The following DAB2IP variants were observed in gnomAD, a reference collection of about 807,000 sequenced individuals.
DAB2IP encodes disabled homolog 2-interacting protein.
DAB2IP carries 28 observed loss-of-function variants against 107.2 expected under a neutral mutation model. That is an observed-to-expected ratio of 0.26 (90% CI 0.19 to 0.36). The LOEUF (loss-of-function observed/expected upper bound fraction) is 0.36, where lower values mean the gene tolerates loss of function less well. Among genes scored for constraint, DAB2IP ranks in the 10% least tolerant of loss-of-function variants. DAB2IP has a pLI of 1.00. For synonymous variants in DAB2IP, 755 were observed against 706.4 expected (o/e 1.07, Z -1.09); for missense variants, 1,400 against 1,644.7 (o/e 0.85, Z 2.57).
chr9:121,697,532 C>T (rs1481624635), intron 2 of DAB2IP, among the ~76,000 whole-genome samples: 1 of 152,208 alleles, frequency 6.6e-6, no homozygotes. Context: ...CTAGTGCTCT[C>T]CTGACCTGCC....
rs139420347 is a variant in DAB2IP at position 121,766,677 on chromosome 9, C to T, written c.1644C>T (p.Ala548=). 310 of 1,614,022 alleles carry T rather than the reference C, an allele frequency of 1.9e-4. 1 individual carries two copies. The highest frequency in any genetic ancestry group is 2.5e-4 in the Non-Finnish European group (296 of 1,180,036). ...AGGAGTACCCTGATGACCGCACTGC[C>T]CGCACCCTCACCCTCATCGCCAAGG... The change falls in exon 9 of 16, where the codon GCC becomes GCT. Residue 548 remains alanine (A), a synonymous_variant. Transcript: ENST00000408936.
At chr9:121,638,978 G>A (rs1455422505) in intron 1 of DAB2IP, among the ~76,000 whole-genome samples, 1 of 152,118 alleles carries the variant, frequency 6.6e-6, no homozygotes, top group African/African-American at 2.4e-5. Context: ...CAGGGTGGTT[G>A]GGGAAGGGAT....
At chr9:121,724,520 G>A (rs538625774) in intron 3 of DAB2IP, among the ~76,000 whole-genome samples, 5 of 152,172 alleles carry the variant, frequency 3.3e-5, no homozygotes, top group Middle Eastern at 3.2e-3. Flanking sequence ...TACATACTTC[G>A]TGTACTTTTC....
At position 121,719,549 on chromosome 9, in the gene DAB2IP, T is replaced by C. The variant is rs567094414; in HGVS notation, c.362+20091T>C. 3.9e-5 allele frequency among the ~76,000 whole-genome samples: 6 copies of C among 151,976 alleles called. No homozygotes were observed. The South Asian group carries it at 6.2e-4, about 16-fold the overall frequency. On this transcript the variant is annotated intron_variant, in intron 3 of 15. Transcript: ENST00000408936. Reference sequence around the variant, plus strand: ...GGAGCATCGGGAGAGTGAGAAATCATTGGGAAGGGCAGGAGCCAGCATTAA... The same window carrying C: ...GGAGCATCGGGAGAGTGAGAAATCACTGGGAAGGGCAGGAGCCAGCATTAA...
At position 121,752,403 on chromosome 9, in the gene DAB2IP, C is replaced by T. The variant is rs572846871; in HGVS notation, c.363-4610C>T. Among the ~76,000 whole-genome samples the T allele has an allele frequency of 6.6e-5, 10 of 152,336 alleles. No individual in the cohort carries two copies. The South Asian group carries it at 8.3e-4, about 13-fold the overall frequency. On this transcript the variant is annotated intron_variant, in intron 3 of 15. Transcript: ENST00000408936. Reference sequence around the variant, plus strand: ...GTTTTGGTCCAGGAACTCTAAGGCTCTGGACCTTGGAGCCAGCCAGACCCA... The same window carrying T: ...GTTTTGGTCCAGGAACTCTAAGGCTTTGGACCTTGGAGCCAGCCAGACCCA...
intron 1 of DAB2IP, among the ~76,000 whole-genome samples, chr9:121,644,509 A>G (rs1832471113): frequency 1.3e-5 from 2 of 152,062 alleles, no homozygotes; most frequent in Admixed American, 6.5e-5. Flanking sequence ...AGGCAGGAGA[A>G]TTGTTTGAAC....
rs377751453 is a variant in DAB2IP at position 121,709,861 on chromosome 9, A to G, written c.362+10403A>G. ...ACATAGCCAGGATTAGCCTCAGGTT[A>G]CCTTTAGAATCTAGATCTCTTTGTA... On this transcript the variant is annotated intron_variant, in intron 3 of 15. Coordinates refer to ENST00000408936, the Ensembl canonical transcript of DAB2IP. 5.3e-5 allele frequency among the ~76,000 whole-genome samples: 8 copies of G among 152,232 alleles called. No homozygotes were observed. In the East Asian group the frequency reaches 9.7e-4, roughly 18 times the overall value.
At chr9:121,642,494 T>C (rs796728530) in intron 1 of DAB2IP, among the ~76,000 whole-genome samples, 31,135 of 145,160 alleles carry the variant, frequency 0.21, 3,948 homozygotes, top group South Asian at 0.39. Context: ...TTTTCTTTTT[T>C]TTTTTTTTTT....
chr9:121,657,223 T>C (rs1448562184), intron 1 of DAB2IP, among the ~76,000 whole-genome samples: 2 of 152,212 alleles, frequency 1.3e-5, no homozygotes, highest in Non-Finnish European at 2.9e-5. Flanking sequence ...CCCTTAGTGC[T>C]GAGGGTTCAG....
exon 1 of DAB2IP, chr9:121,567,094 CG>C: frequency 3.9e-6 from 6 of 1,540,208 alleles, no homozygotes; most frequent in Non-Finnish European, 5.3e-6. Context: ...TTGGAAAAGC[CG>C]CCAGATGGAA....
At chr9:121,627,141 TCACACACACACACACACACACA>T (rs374127830) in intron 1 of DAB2IP, among the ~76,000 whole-genome samples, 1 of 126,728 alleles carries the variant, frequency 7.9e-6, no homozygotes, top group African/African-American at 3.0e-5. Context: ...ACACACACAC[TCACACACACACACACACACACA>T]CACACAAGCA....
chr9:121,721,837 G>A (rs553887144), intron 3 of DAB2IP, among the ~76,000 whole-genome samples: 1 of 152,334 alleles, frequency 6.6e-6, no homozygotes, highest in South Asian at 2.1e-4. Context: ...GGGGGCACCT[G>A]GACAGAGGGG....
intron 14 of DAB2IP, among the ~76,000 whole-genome samples, chr9:121,778,267 C>T (rs1269843413): frequency 6.6e-6 from 1 of 152,136 alleles, no homozygotes; most frequent in Non-Finnish European, 1.5e-5. Context: ...ATGTAATCAC[C>T]TCTCAAAACC....
chr9:121,603,686 T>C (rs139053998), intron 1 of DAB2IP, among the ~76,000 whole-genome samples: 1 of 152,316 alleles, frequency 6.6e-6, no homozygotes, highest in East Asian at 1.9e-4. Flanking sequence ...GATCAGGCTG[T>C]GTGATCTTGG....
At chr9:121,719,556 G>A (rs1267796819) in intron 3 of DAB2IP, among the ~76,000 whole-genome samples, 1 of 152,188 alleles carries the variant, frequency 6.6e-6, no homozygotes, top group Non-Finnish European at 1.5e-5. Flanking sequence ...TCATTGGGAA[G>A]GGCAGGAGCC....
chr9:121,602,648 T>A (rs2118956351), intron 1 of DAB2IP, among the ~76,000 whole-genome samples: 1 of 152,300 alleles, frequency 6.6e-6, no homozygotes, highest in East Asian at 1.9e-4. Context: ...TGATCTCGGC[T>A]CACTGCAAGC....
At chr9:121,579,840 C>G (rs779248447) in intron 1 of DAB2IP, among the ~76,000 whole-genome samples, 1 of 152,216 alleles carries the variant, frequency 6.6e-6, no homozygotes, top group Non-Finnish European at 1.5e-5. Flanking sequence ...ATAAAGCGCT[C>G]CTCCAATCAA....
intron 3 of DAB2IP, among the ~76,000 whole-genome samples, chr9:121,740,193 G>A (rs1398002565): frequency 6.6e-6 from 1 of 152,168 alleles, no homozygotes; most frequent in East Asian, 1.9e-4. Flanking sequence ...CCACAGCGTA[G>A]GTTTACCAGC....
intron 3 of DAB2IP, among the ~76,000 whole-genome samples, chr9:121,717,738 A>G (rs1830686216): frequency 6.6e-6 from 1 of 152,102 alleles, no homozygotes; most frequent in African/African-American, 2.4e-5. Context: ...TCCTGGGAGC[A>G]TTCTCCTTTG....
Sources: allele counts gnomAD v4.1 joint callset (sites outside exome capture counted in the v4.1 genomes callset), GRCh38; gene constraint gnomAD v4.1.1; transcripts MANE v1.5; gene names NCBI Gene and HGNC (gene_info 2026-07-23, HGNC 2026-07-21).